Variants in ASRGL1 observed in about 807,000 individuals in gnomAD.
The protein encoded by ASRGL1 is asparaginase and isoaspartyl peptidase 1, also known as isoaspartyl peptidase/L-asparaginase.
A neutral mutation model predicts 22.4 loss-of-function variants in ASRGL1; 16 were observed. The ratio of observed to expected loss-of-function variants is 0.71; its 90% CI spans 0.48 to 1.08. ASRGL1 has a LOEUF of 1.08. Ranked by LOEUF, ASRGL1 falls within the 50% of genes least tolerant of loss-of-function variation. The pLI is 0.00. For missense variants in ASRGL1, 412 were observed against 410.1 expected, an observed-to-expected ratio of 1.00 and a Z score of -0.04; for synonymous variants, 165 against 159.3, an observed-to-expected ratio of 1.04 and a Z score of -0.27.
chr11:62,339,223 C>T (rs1014094917), intron 2 of ASRGL1, among the ~76,000 whole-genome samples: 3 of 152,186 alleles, frequency 2.0e-5, no homozygotes, highest in African/African-American at 7.2e-5. Flanking sequence ...AAATACTTCA[C>T]TTTCAGGGCT....
chr11:62,382,936 A>G (rs1289932112), intron 4 of ASRGL1: 1 of 152,250 alleles, frequency 6.6e-6, no homozygotes, highest in African/African-American at 2.4e-5. Flanking sequence ...GAGTCAACAC[A>G]GCACGTCTCT....
intron 2 of ASRGL1, among the ~76,000 whole-genome samples, chr11:62,351,730 G>C (rs1459121084): frequency 6.6e-6 from 1 of 152,084 alleles, no homozygotes; most frequent in East Asian, 1.9e-4. Context: ...CTGGAGTGCA[G>C]TGGCACAATC....
rs532135297 is a variant in ASRGL1 at position 62,352,445 on chromosome 11, G to A, written c.191-3880G>A. On this transcript the variant is annotated intron_variant, in intron 2 of 6. Coordinates refer to ENST00000415229, the MANE Select transcript of ASRGL1 (RefSeq NM_001083926.2). ...TACTAAAAATATAAAAATTAGCCGG[G>A]TATGGTGGCGCACCTGTAATCCCAG... is the stretch of plus-strand genomic sequence containing the variant. Among the ~76,000 whole-genome samples, 16 of 152,212 alleles carry A rather than the reference G, an allele frequency of 1.1e-4. 1 individual carries two copies. The highest frequency in any genetic ancestry group is 1.0e-3 in the South Asian group (5 of 4,820).
Position 62,372,028 on chromosome 11 carries a change from C to T in ASRGL1, c.491+14884C>T, listed in dbSNP as rs753070839. The T allele has an allele frequency of 4.0e-4, 294 of 741,020 alleles. 2 individuals carry two copies. The highest frequency in any genetic ancestry group is 6.3e-4 in the Non-Finnish European group (252 of 399,646). 45.9% of individuals were successfully genotyped at this position (741,020 alleles called of 1,614,324 possible). The stretch of plus-strand genomic sequence containing the variant: ...ATATCCGTCAGAATTTGTGGGGACC[C>T]CATAGGTATGGGTGCCTGGCGGGGG... On this transcript the variant is annotated intron_variant, in intron 4 of 6. Transcript: ENST00000415229.
chr11:62,355,060 G>A (rs998169044), intron 2 of ASRGL1, among the ~76,000 whole-genome samples: 1 of 151,644 alleles, frequency 6.6e-6, no homozygotes, highest in African/African-American at 2.4e-5. Flanking sequence ...TGGGATTACA[G>A]GCACGCACCA....
At chr11:62,385,366 T>A (rs1307204113) in intron 4 of ASRGL1, among the ~76,000 whole-genome samples, 1 of 152,130 alleles carries the variant, frequency 6.6e-6, no homozygotes, top group African/African-American at 2.4e-5. Flanking sequence ...TAGATGGGAT[T>A]TCTCTATGTT....
chr11:62,371,421 C>A, intron 4 of ASRGL1: 2 of 576,092 alleles, frequency 3.5e-6, no homozygotes, highest in South Asian at 2.1e-5. Context: ...AGAAGCACGT[C>A]AAACTTGAGA....
rs866368713 is a variant in ASRGL1, at chr11:62,392,584, A to G, written c.*300A>G. 2.8e-6 allele frequency: 1 copy of G among 363,628 alleles called. No individual in the cohort carries two copies. The highest frequency in any genetic ancestry group is 5.0e-6 in the Non-Finnish European group (1 of 198,582). The allele number at this position is 363,628 out of a possible 1,614,324, so 22.5% of individuals were successfully genotyped here. On this transcript the variant is annotated 3_prime_UTR_variant, in exon 7 of 7. Transcript: ENST00000415229. ...GCCCTGTATCAAAAAAAAAAAAAAA[A>G]AGAAAAGGGAAAAAAGAAAGAAAGC...
At chr11:62,367,337 C>CA (rs746980862) in intron 4 of ASRGL1, among the ~76,000 whole-genome samples, 1,623 of 125,288 alleles carry the variant, frequency 0.013, 12 homozygotes, top group Non-Finnish European at 0.015. Flanking sequence ...AACTCTGTCT[C>CA]AAAAAAAAAA....
At chr11:62,371,748 C>T (rs1366895744) in intron 4 of ASRGL1, 2 of 533,726 alleles carry the variant, frequency 3.7e-6, no homozygotes, top group African/African-American at 1.9e-5. Flanking sequence ...GTCAGGAGAT[C>T]CAGACCATCC....
At chr11:62,375,172 G>T (rs1946881230) in intron 4 of ASRGL1, among the ~76,000 whole-genome samples, 1 of 151,892 alleles carries the variant, frequency 6.6e-6, no homozygotes, top group Non-Finnish European at 1.5e-5. Flanking sequence ...CCTCCTTCTG[G>T]CTTAGATTGA....
chr11:62,371,754 C>G (rs908783518), intron 4 of ASRGL1: 1 of 520,632 alleles, frequency 1.9e-6, no homozygotes, highest in African/African-American at 1.9e-5. Context: ...AGATCCAGAC[C>G]ATCCTGGCTA....
chr11:62,371,103 T>C, intron 4 of ASRGL1: 3 of 701,344 alleles, frequency 4.3e-6, no homozygotes, highest in Non-Finnish European at 6.3e-6. Flanking sequence ...TTTTTCTCTC[T>C]GGTTTCTCAT....
downstream of ASRGL1, among the ~76,000 whole-genome samples, chr11:62,396,059 G>A (rs979262143): frequency 7.9e-5 from 12 of 151,926 alleles, no homozygotes; most frequent in Admixed American, 3.9e-4. Context: ...CAGCACCACC[G>A]CACCCGGCCT....
intron 4 of ASRGL1, among the ~76,000 whole-genome samples, chr11:62,384,648 G>A (rs891415438): frequency 6.7e-6 from 1 of 149,032 alleles, no homozygotes; most frequent in Non-Finnish European, 1.5e-5. Flanking sequence ...GGGTGTGGTG[G>A]CTTATGCCTG....
At chr11:62,401,245 G>A in the ASRGL1 span, among the ~76,000 whole-genome samples, 1 of 152,222 alleles carries the variant, frequency 6.6e-6, no homozygotes, top group Middle Eastern at 3.2e-3. Context: ...AGCAAATGAG[G>A]ATGCCAGGAT....
downstream of ASRGL1, among the ~76,000 whole-genome samples, chr11:62,393,970 C>T (rs1246279771): frequency 6.7e-6 from 1 of 148,332 alleles, no homozygotes; most frequent in Non-Finnish European, 1.5e-5. Flanking sequence ...ATGTCCTAAT[C>T]CCCTCTTCTT....
At position 62,357,416 on chromosome 11, in the gene ASRGL1, A is replaced by ATTT. The variant is rs1342638247; in HGVS notation, c.491+295_491+297dup. The stretch of plus-strand genomic sequence containing the variant: ...AGGCACACACCACTGCACCCGGCTC[A>ATTT]TTTTTTTTTTTTTTTTTTTTTTTTT... On this transcript the variant is annotated intron_variant, in intron 4 of 6. Coordinates refer to ENST00000415229, the MANE Select transcript of ASRGL1 (RefSeq NM_001083926.2). Among the ~76,000 whole-genome samples the ATTT allele has an allele frequency of 8.6e-4, 86 of 100,350 alleles. 1 individual carries two copies. Among genetic ancestry groups the ATTT allele is most frequent in the African/African-American group, 1.7e-3 (44 of 25,730 alleles). The allele number at this position is 100,350 out of a possible 152,430, so 65.8% of individuals were successfully genotyped here. A position where few individuals can be genotyped will look rare whatever the true frequency, so the allele number is the denominator to read the frequency against.
intron 4 of ASRGL1, among the ~76,000 whole-genome samples, chr11:62,362,604 TAA>T (rs377035242): frequency 0.27 from 14,035 of 52,014 alleles, 4,098 homozygotes; most frequent in Non-Finnish European, 0.37. Context: ...ATATATTATA[TAA>T]AATATATATT....
Sources: allele counts gnomAD v4.1 joint callset (sites outside exome capture counted in the v4.1 genomes callset), GRCh38; gene constraint gnomAD v4.1.1; transcripts MANE v1.5; gene names NCBI Gene and HGNC (gene_info 2026-07-23, HGNC 2026-07-21).